Variants in LHFPL3 observed in about 807,000 individuals in gnomAD.
LHFPL3 encodes LHFPL tetraspan subfamily member 3.
LHFPL3 carries 5 observed loss-of-function variants against 19.3 expected under a neutral mutation model. The ratio of observed to expected loss-of-function variants is 0.26; its 90% CI spans 0.14 to 0.54. The LOEUF is 0.54. LHFPL3 is among the 20% of genes least tolerant of loss of function. The pLI is 0.94. For missense variants in LHFPL3, 249 were observed against 307.4 expected (o/e 0.81, Z 1.42); for synonymous variants, 133 against 126.2 (o/e 1.05, Z -0.36).
intron 2 of LHFPL3, among the ~76,000 whole-genome samples, chr7:104,883,095 A>G (rs1014307485): frequency 7.9e-5 from 12 of 152,254 alleles, no homozygotes; most frequent in African/African-American, 2.9e-4. Flanking sequence ...ATGATGATCC[A>G]ATTTATTCAG....
intron 1 of LHFPL3, among the ~76,000 whole-genome samples, chr7:104,638,072 G>A (rs1373685387): frequency 2.6e-5 from 4 of 151,982 alleles, no homozygotes; most frequent in Non-Finnish European, 5.9e-5. Context: ...TCTTTGAGTA[G>A]CGTTTTGTAA....
chr7:104,847,931 T>C (rs1213406154), intron 2 of LHFPL3, among the ~76,000 whole-genome samples: 1 of 152,250 alleles, frequency 6.6e-6, no homozygotes, highest in African/African-American at 2.4e-5. Flanking sequence ...ACACATCTAG[T>C]CTGCAGCAGC....
At chr7:104,599,791 C>A (rs181893505) in intron 1 of LHFPL3, among the ~76,000 whole-genome samples, 1 of 152,296 alleles carries the variant, frequency 6.6e-6, no homozygotes, top group Non-Finnish European at 1.5e-5. Context: ...GGTATGTGGT[C>A]TCTCTTATTT....
chr7:104,671,561 C>A (rs141157121), intron 1 of LHFPL3, among the ~76,000 whole-genome samples: 10,250 of 112,500 alleles, frequency 0.091, 610 homozygotes, highest in African/African-American at 0.2. Context: ...TAAATCTGAT[C>A]TTTAAAGTTC....
At chr7:104,586,668 C>T (rs960013588) in intron 1 of LHFPL3, among the ~76,000 whole-genome samples, 1 of 152,106 alleles carries the variant, frequency 6.6e-6, no homozygotes, top group Non-Finnish European at 1.5e-5. Flanking sequence ...ACATCTTTCA[C>T]ATTTCAAAAT....
At chr7:104,769,328 G>C (rs572744869) in intron 2 of LHFPL3, among the ~76,000 whole-genome samples, 6 of 152,158 alleles carry the variant, frequency 3.9e-5, no homozygotes, top group Non-Finnish European at 8.8e-5. Flanking sequence ...AAAGTACAAG[G>C]CATTCTCCTT....
intron 1 of LHFPL3, among the ~76,000 whole-genome samples, chr7:104,469,862 C>G (rs1484435400): frequency 6.6e-6 from 1 of 152,062 alleles, no homozygotes; most frequent in East Asian, 1.9e-4. Flanking sequence ...CAATTACCAT[C>G]CTAAATGTGA....
chr7:104,394,271 T>G (rs1791139244), intron 1 of LHFPL3, among the ~76,000 whole-genome samples: 1 of 152,218 alleles, frequency 6.6e-6, no homozygotes, highest in Non-Finnish European at 1.5e-5. Flanking sequence ...CTGAGATTCA[T>G]CATTTCTAAC....
At chr7:104,449,053 C>G (rs147011920) in intron 1 of LHFPL3, among the ~76,000 whole-genome samples, 1 of 152,178 alleles carries the variant, frequency 6.6e-6, no homozygotes, top group African/African-American at 2.4e-5. Flanking sequence ...TCATTTCCTT[C>G]AGGATAAAAT....
chr7:104,835,430 G>A (rs940326284), intron 2 of LHFPL3, among the ~76,000 whole-genome samples: 1 of 151,112 alleles, frequency 6.6e-6, no homozygotes, highest in African/African-American at 2.4e-5. Flanking sequence ...AAGAAGGTAA[G>A]CTTAGATGAG....
At chr7:104,882,121 G>C (rs1209440346) in intron 2 of LHFPL3, among the ~76,000 whole-genome samples, 1 of 152,122 alleles carries the variant, frequency 6.6e-6, no homozygotes, top group African/African-American at 2.4e-5. Context: ...TATCCACACA[G>C]AATACTATTT....
chr7:104,697,195 A>G (rs1482856250), intron 1 of LHFPL3, among the ~76,000 whole-genome samples: 2 of 152,196 alleles, frequency 1.3e-5, no homozygotes, highest in African/African-American at 2.4e-5. Flanking sequence ...TAATACTATC[A>G]CATTGGGGGT....
intron 1 of LHFPL3, among the ~76,000 whole-genome samples, chr7:104,535,551 A>G (rs1364564825): frequency 6.6e-6 from 1 of 152,192 alleles, no homozygotes; most frequent in Non-Finnish European, 1.5e-5. Flanking sequence ...AACCCCCTCA[A>G]GCATCCTGTT....
chr7:104,347,677 AG>A (rs766411448), intron 1 of LHFPL3, among the ~76,000 whole-genome samples: 15 of 152,172 alleles, frequency 9.9e-5, no homozygotes, highest in Non-Finnish European at 2.1e-4. Flanking sequence ...GGATCACCTG[AG>A]GTCAGAAGTT....
At chr7:104,432,788 C>G (rs919889765) in intron 1 of LHFPL3, among the ~76,000 whole-genome samples, 1 of 151,914 alleles carries the variant, frequency 6.6e-6, no homozygotes, top group African/African-American at 2.4e-5. Context: ...TATCCCACCC[C>G]TAATTAATTT....
intron 2 of LHFPL3, among the ~76,000 whole-genome samples, chr7:104,889,087 G>C (rs781417913): frequency 6.6e-6 from 1 of 152,186 alleles, no homozygotes; most frequent in Non-Finnish European, 1.5e-5. Context: ...AATTGGGAGA[G>C]AAAGGAGGTG....
chr7:104,650,088 A>C (rs1459031298), intron 1 of LHFPL3, among the ~76,000 whole-genome samples: 1 of 152,192 alleles, frequency 6.6e-6, no homozygotes, highest in Non-Finnish European at 1.5e-5. Flanking sequence ...GGCCCAATGG[A>C]AGGCTTTTAC....
At chr7:104,509,311 C>A (rs980493516) in intron 1 of LHFPL3, among the ~76,000 whole-genome samples, 3 of 151,576 alleles carry the variant, frequency 2.0e-5, no homozygotes, top group Non-Finnish European at 4.4e-5. Flanking sequence ...ACCAACACTT[C>A]TCATGAATAT....
intron 1 of LHFPL3, among the ~76,000 whole-genome samples, chr7:104,513,543 A>T (rs1030925558): frequency 6.6e-6 from 1 of 152,210 alleles, no homozygotes; most frequent in Non-Finnish European, 1.5e-5. Flanking sequence ...CCAGCTGTGT[A>T]TGAAGAAGTT....
Sources: gnomAD v4.1 joint callset for allele counts (sites outside exome capture counted in the v4.1 genomes callset) on GRCh38, gnomAD v4.1.1 for gene constraint, MANE v1.5 for transcripts, NCBI Gene and HGNC (gene_info 2026-07-23, HGNC 2026-07-21) for gene names.